COL5A2: variants seen among roughly 807,000 people sequenced by gnomAD.
The protein encoded by COL5A2 is collagen type V alpha 2 chain.
In COL5A2, 23 loss-of-function variants were observed where a neutral mutation model predicts 208.2. That is an observed-to-expected ratio of 0.11 (90% CI 0.08 to 0.16). The LOEUF is 0.16. COL5A2 is among the 10% of genes least tolerant of loss of function. COL5A2 has a pLI of 1.00. For synonymous variants in COL5A2, 625 were observed against 628.5 expected, an observed-to-expected ratio of 0.99 and a Z score of 0.08; for missense variants, 1,590 against 1,956.4, an observed-to-expected ratio of 0.81 and a Z score of 3.53.
chr2:189,154,368 A>T (rs897319145), intron 1 of COL5A2, among the ~76,000 whole-genome samples: 2 of 152,244 alleles, frequency 1.3e-5, no homozygotes, highest in Non-Finnish European at 2.9e-5. Context: ...TTTAATAAGG[A>T]TGCGCTCATT....
intron 1 of COL5A2, among the ~76,000 whole-genome samples, chr2:189,149,027 C>G (rs1688094364): frequency 6.6e-6 from 1 of 152,076 alleles, no homozygotes; most frequent in Non-Finnish European, 1.5e-5. Context: ...GTAATCCCAC[C>G]CACTGGGGAG....
chr2:189,313,848 G>A, the COL5A2 span, among the ~76,000 whole-genome samples: 3 of 152,016 alleles, frequency 2.0e-5, no homozygotes, highest in Admixed American at 6.5e-5. Flanking sequence ...AGATGAAGAA[G>A]GGCATTACAT....
chr2:189,045,340 A>ATT, intron 46 of COL5A2, 108 bp from the exon 47 acceptor site: 1 of 582,094 alleles, frequency 1.7e-6, no homozygotes, highest in Non-Finnish European at 3.1e-6. Context: ...ATATATATAT[A>ATT]TGTGTGTGTG....
chr2:189,351,960 C>G, the COL5A2 span, among the ~76,000 whole-genome samples: 1 of 151,972 alleles, frequency 6.6e-6, no homozygotes, highest in African/African-American at 2.4e-5. Flanking sequence ...CCTCCCCCAG[C>G]TCCCACCCTC....
At chr2:189,245,641 T>A in the COL5A2 span, among the ~76,000 whole-genome samples, 3 of 152,058 alleles carry the variant, frequency 2.0e-5, no homozygotes, top group Admixed American at 2.0e-4. Context: ...CCTGCCACCG[T>A]GCCTGGCTAA....
chr2:189,371,864 G>A, the COL5A2 span, among the ~76,000 whole-genome samples: 1 of 152,226 alleles, frequency 6.6e-6, no homozygotes, highest in Non-Finnish European at 1.5e-5. Context: ...ATACAAGCAT[G>A]TTATAAAGCA....
the COL5A2 span, among the ~76,000 whole-genome samples, chr2:189,403,389 A>G: frequency 6.6e-6 from 1 of 152,178 alleles, no homozygotes; most frequent in Non-Finnish European, 1.5e-5. Context: ...TTCTTATCTG[A>G]ATACACTTTA....
chr2:189,039,032 A>G (rs543167824), intron 51 of COL5A2, among the ~76,000 whole-genome samples: 5 of 152,228 alleles, frequency 3.3e-5, no homozygotes, highest in Admixed American at 2.0e-4. Context: ...CTCGTGTGAG[A>G]TGGTATCTCA....
At chr2:189,422,611 T>C in the COL5A2 span, among the ~76,000 whole-genome samples, 1 of 152,198 alleles carries the variant, frequency 6.6e-6, no homozygotes, top group South Asian at 2.1e-4. Flanking sequence ...CACTCTCCAG[T>C]ATAAATCATG....
the COL5A2 span, among the ~76,000 whole-genome samples, chr2:189,433,598 C>T: frequency 2.0e-5 from 3 of 152,094 alleles, no homozygotes; most frequent in African/African-American, 7.2e-5. Flanking sequence ...TGGATAAATT[C>T]CTGGACACAT....
At chr2:189,047,972 A>G (rs1685704746) in intron 45 of COL5A2, among the ~76,000 whole-genome samples, 1 of 152,222 alleles carries the variant, frequency 6.6e-6, no homozygotes, top group Non-Finnish European at 1.5e-5. Context: ...ATGTTAAACC[A>G]AAGATGGCTT....
chr2:189,229,175 TACA>T (rs1256672283), upstream of COL5A2, among the ~76,000 whole-genome samples: 2 of 151,712 alleles, frequency 1.3e-5, no homozygotes, highest in Non-Finnish European at 3.0e-5. Context: ...CAAGGTTATA[TACA>T]ACAAGTCCAC....
chr2:189,130,154 C>A (rs779651786), intron 1 of COL5A2, among the ~76,000 whole-genome samples: 15 of 152,038 alleles, frequency 9.9e-5, no homozygotes, highest in East Asian at 1.9e-4. Flanking sequence ...AAGAAACAGT[C>A]TTGTCTAATT....
chr2:189,357,090 G>T, the COL5A2 span, among the ~76,000 whole-genome samples: 1 of 152,162 alleles, frequency 6.6e-6, no homozygotes, highest in African/African-American at 2.4e-5. Flanking sequence ...ATTGCTATCT[G>T]TTCCTTCCTC....
chr2:189,391,110 T>A, the COL5A2 span, among the ~76,000 whole-genome samples: 1 of 152,192 alleles, frequency 6.6e-6, no homozygotes, highest in Non-Finnish European at 1.5e-5. Context: ...TTTTTTAAAC[T>A]ACTTATTTTT....
chr2:189,050,006 T>C (rs1685750750), intron 43 of COL5A2, among the ~76,000 whole-genome samples: 1 of 152,148 alleles, frequency 6.6e-6, no homozygotes, highest in Non-Finnish European at 1.5e-5. Flanking sequence ...AGCACTGTAA[T>C]CTTTTAGCAA....
chr2:189,364,218 C>T, the COL5A2 span, among the ~76,000 whole-genome samples: 1 of 152,308 alleles, frequency 6.6e-6, no homozygotes, highest in African/African-American at 2.4e-5. Context: ...GGACAAAAAT[C>T]TGTAGCTGCA....
the COL5A2 span, among the ~76,000 whole-genome samples, chr2:189,250,315 G>A: frequency 2.6e-5 from 4 of 152,088 alleles, no homozygotes; most frequent in Non-Finnish European, 5.9e-5. Context: ...CTAAAACATC[G>A]AAAGGGTTAG....
At chr2:189,217,805 C>T (rs568098383) in intron 1 of COL5A2, among the ~76,000 whole-genome samples, 64 of 152,142 alleles carry the variant, frequency 4.2e-4, no homozygotes, top group Non-Finnish European at 8.1e-4. Context: ...GCTTGTCACA[C>T]ACCCAGTGAG....
Sources: allele counts gnomAD v4.1 joint callset (sites outside exome capture counted in the v4.1 genomes callset), GRCh38; gene constraint gnomAD v4.1.1; transcripts MANE v1.5; gene names NCBI Gene and HGNC (gene_info 2026-07-23, HGNC 2026-07-21).